The following ZNF484 variants were observed in gnomAD, a reference collection of about 807,000 sequenced individuals.
The protein encoded by ZNF484 is KRAB box containing C2H2 type zinc finger bA526D8.4.
In ZNF484, 11 loss-of-function variants were observed where a neutral mutation model predicts 12.9. That is an observed-to-expected ratio of 0.85 (90% CI 0.54 to 1.41). The LOEUF (loss-of-function observed/expected upper bound fraction) is 1.41, where lower values mean the gene tolerates loss of function less well. ZNF484 is among the 40% of genes most tolerant of loss of function. The pLI is 0.00. For synonymous variants in ZNF484, 289 were observed against 334.1 expected (o/e 0.86, Z 1.47); for missense variants, 807 against 1,007.7 (o/e 0.80, Z 2.70).
chr9:92,858,077 A>G (rs936166774), intron 2 of ZNF484, among the ~76,000 whole-genome samples: 2 of 152,220 alleles, frequency 1.3e-5, no homozygotes, highest in Admixed American at 1.3e-4. Flanking sequence ...AAAAAATCCT[A>G]CACATCCAAA....
At chr9:92,877,065 A>T (rs1366888606) in intron 1 of ZNF484, among the ~76,000 whole-genome samples, 1 of 152,306 alleles carries the variant, frequency 6.6e-6, no homozygotes, top group African/African-American at 2.4e-5. Flanking sequence ...ATACTTTAAT[A>T]ATTTGGGAAT....
Position 92,855,632 on chromosome 9 carries a change from A to G in ZNF484, c.235+179T>C, listed in dbSNP as rs1450924798. On this transcript the variant is annotated intron_variant, in intron 4 of 4. Coordinates refer to ENST00000375495, the MANE Select transcript of ZNF484 (RefSeq NM_031486.4). ...GAAGAAGGCATTGATATGAGAAGGG[A>G]TCTTAAGTGGGGTTAGCATTTAGCT... is the stretch of plus-strand genomic sequence containing the variant. Among the ~76,000 whole-genome samples the G allele has an allele frequency of 1.5e-4, 23 of 152,288 alleles. 1 individual carries two copies. The highest frequency in any genetic ancestry group is 2.1e-4 in the South Asian group (1 of 4,824).
chr9:92,873,398 A>C (rs1263483657), intron 2 of ZNF484, among the ~76,000 whole-genome samples: 4 of 151,164 alleles, frequency 2.6e-5, no homozygotes, highest in Non-Finnish European at 5.9e-5. Flanking sequence ...CTGCACACAT[A>C]AATTTGACAA....
intron 4 of ZNF484, among the ~76,000 whole-genome samples, chr9:92,851,854 G>C: frequency 6.6e-6 from 1 of 152,080 alleles, no homozygotes; most frequent in Non-Finnish European, 1.5e-5. Context: ...ACTCTAGAGA[G>C]GCTCTCTTTT....
chr9:92,850,943 T>G (rs1856037337), intron 4 of ZNF484, among the ~76,000 whole-genome samples: 1 of 152,114 alleles, frequency 6.6e-6, no homozygotes. Flanking sequence ...ATGTGATAAA[T>G]GCATCTGGTA....
chr9:92,869,013 C>T (rs959830372), intron 2 of ZNF484, among the ~76,000 whole-genome samples: 1 of 152,014 alleles, frequency 6.6e-6, no homozygotes, highest in Non-Finnish European at 1.5e-5. Context: ...CACAAGCCAC[C>T]GCGCCTGGGT....
At chr9:92,861,199 G>T (rs999071472) in intron 2 of ZNF484, among the ~76,000 whole-genome samples, 1 of 152,188 alleles carries the variant, frequency 6.6e-6, no homozygotes, top group African/African-American at 2.4e-5. Flanking sequence ...TAGAGGATTT[G>T]AAGAGAAAAC....
intron 2 of ZNF484, among the ~76,000 whole-genome samples, chr9:92,865,013 T>TCACA (rs201294012): frequency 5.5e-4 from 82 of 148,742 alleles, no homozygotes; most frequent in Non-Finnish European, 9.1e-4. Flanking sequence ...TAGACAGAAA[T>TCACA]CACACACACA....
chr9:92,844,600 A>G lies in ZNF484; in HGVS notation c.*1628T>C, dbSNP rs111648446. Among the ~76,000 whole-genome samples the G allele has an allele frequency of 1.4e-3, 212 of 152,366 alleles. No homozygotes were observed. The highest frequency in any genetic ancestry group is 4.9e-3 in the African/African-American group (202 of 41,588). On this transcript the variant is annotated 3_prime_UTR_variant, in exon 5 of 5. Coordinates refer to ENST00000375495, the MANE Select transcript of ZNF484 (RefSeq NM_031486.4). ...GCAGATTGCCTGCAAAGGTAATTAT[A>G]TAAAGCTTCTCAATAAAACAATAAA...
At chr9:92,874,098 C>T (rs1001705699) in intron 2 of ZNF484, among the ~76,000 whole-genome samples, 1 of 152,162 alleles carries the variant, frequency 6.6e-6, no homozygotes. Flanking sequence ...ATTCAACTCC[C>T]ATTCACGATA....
rs751659855 is a variant in ZNF484 at position 92,847,432 on chromosome 9, T to G, written c.1355A>C (p.Lys452Thr). ...CSDCGKSFIK[K>T]SQLHVHQRIH... is the part of the protein sequence containing the mutation. The stretch of plus-strand genomic sequence containing the variant: ...TCGCTGATGCACATGGAGTTGTGAT[T>G]TTTTAATAAAGGATTTCCCACAGTC... Residue 452 changes from lysine to threonine, a missense_variant, in exon 5 of 5, where the codon AAA (lysine) becomes ACA (threonine). Lys to Thr is a moderately conservative substitution (Grantham distance 78). Transcript: ENST00000375495. The G allele has an allele frequency of 3.7e-6, 6 of 1,613,758 alleles. No individual in the cohort carries two copies. The highest frequency in any genetic ancestry group is 5.1e-6 in the Non-Finnish European group (6 of 1,179,902).
rs892640444 is a variant in ZNF484 at position 92,864,704 on chromosome 9, A to T, written c.16-8386T>A. 4.6e-5 allele frequency among the ~76,000 whole-genome samples: 7 copies of T among 152,336 alleles called. No individual in the cohort carries two copies. In the South Asian group the frequency reaches 1.2e-3, roughly 27 times the overall value. ...GAAAATATAATTCATATTTTGAATG[A>T]CAATCTAAAATACATAAAACAAAAG... On this transcript the variant is annotated intron_variant, in intron 2 of 4. Coordinates refer to ENST00000375495, the MANE Select transcript of ZNF484 (RefSeq NM_031486.4).
rs1855565123 is a variant in ZNF484, at chr9:92,846,088, C to A, written c.*140G>T. The A allele has an allele frequency of 1.2e-6, 1 of 801,446 alleles. No homozygotes were observed. Among genetic ancestry groups the A allele is most frequent in the Non-Finnish European group, 1.9e-6 (1 of 516,540 alleles). The allele number at this position is 801,446 out of a possible 1,614,324, so 49.6% of individuals were successfully genotyped here. A position where few individuals can be genotyped will look rare whatever the true frequency, so the allele number is the denominator to read the frequency against. On this transcript the variant is annotated 3_prime_UTR_variant, in exon 5 of 5. Coordinates refer to ENST00000375495, the MANE Select transcript of ZNF484 (RefSeq NM_031486.4). The stretch of plus-strand genomic sequence containing the variant: ...TGCCAATCATCTCCTTGCACATTTA[C>A]TATTATTTGCAGGAGCTTGACAACA...
At chr9:92,849,408 A>G (rs1855921187) in intron 4 of ZNF484, among the ~76,000 whole-genome samples, 1 of 152,164 alleles carries the variant, frequency 6.6e-6, no homozygotes, top group African/African-American at 2.4e-5. Context: ...AATGATGTAG[A>G]GTAATAATAT....
chr9:92,870,917 C>A (rs889368893), intron 2 of ZNF484, among the ~76,000 whole-genome samples: 3 of 152,158 alleles, frequency 2.0e-5, no homozygotes, highest in Non-Finnish European at 2.9e-5. Context: ...AATTCACATC[C>A]ACCTGGCAGT....
At chr9:92,853,547 C>T (rs1055665533) in intron 4 of ZNF484, among the ~76,000 whole-genome samples, 1 of 152,212 alleles carries the variant, frequency 6.6e-6, no homozygotes, top group Non-Finnish European at 1.5e-5. Context: ...TCACTCAGAG[C>T]TTATGCTGCA....
At chr9:92,855,475 G>A (rs1021942892) in intron 4 of ZNF484, among the ~76,000 whole-genome samples, 3 of 152,184 alleles carry the variant, frequency 2.0e-5, no homozygotes, top group African/African-American at 7.2e-5. Flanking sequence ...GACCTTGATG[G>A]AGGTAGAAAG....
rs2131587965 is a variant in ZNF484, at chr9:92,847,484, T to C, written c.1303A>G (p.Thr435Ala). 2 of 1,612,856 alleles carry C rather than the reference T, an allele frequency of 1.2e-6. No individual in the cohort carries two copies. The highest frequency in any genetic ancestry group is 1.7e-6 in the Non-Finnish European group (2 of 1,179,608). Residue 435 changes from threonine to alanine, a missense_variant, in exon 5 of 5, where the codon ACT becomes GCT. Thr to Ala is a moderately conservative substitution (Grantham distance 58, BLOSUM62 0). Transcript: ENST00000375495. ...CTGCATTCATAGGGTTTTTCTCCAG[T>C]ATGAATTCTTTCATGTGTGATAAAA... ...SHFITHERIHTGEKPYECSDC... is the reference protein window; with the variant it reads ...SHFITHERIHAGEKPYECSDC...
chr9:92,850,640 A>G (rs1587731718), intron 4 of ZNF484, among the ~76,000 whole-genome samples: 2 of 152,064 alleles, frequency 1.3e-5, no homozygotes, highest in African/African-American at 4.8e-5. Context: ...CTGGAGTGCA[A>G]TGGCGCGATC....
Sources: gnomAD v4.1 joint callset for allele counts (sites outside exome capture counted in the v4.1 genomes callset) on GRCh38, gnomAD v4.1.1 for gene constraint, MANE v1.5 for transcripts, NCBI Gene and HGNC (gene_info 2026-07-23, HGNC 2026-07-21) for gene names.